DCAF1: variants seen among roughly 807,000 people sequenced by gnomAD.
The protein encoded by DCAF1 is DDB1- and CUL4-associated factor 1.
DCAF1 carries 15 observed loss-of-function variants against 128.0 expected under a neutral mutation model. That is an observed-to-expected ratio of 0.12 (90% CI 0.08 to 0.18). The LOEUF (loss-of-function observed/expected upper bound fraction) is 0.18. DCAF1 is among the 10% of genes least tolerant of loss of function. DCAF1 has a pLI of 1.00. For missense variants in DCAF1, 988 were observed against 1,649.5 expected (o/e 0.60, Z 6.95); for synonymous variants, 610 against 603.0 (o/e 1.01, Z -0.17).
chr3:51,443,770 T>C lies in DCAF1; in HGVS notation c.509A>G (p.Gln170Arg), dbSNP rs1022746047. 6.2e-7 allele frequency: 1 copy of C among 1,603,334 alleles called. No homozygotes were observed. Among genetic ancestry groups the C allele is most frequent in the East Asian group, 2.2e-5 (1 of 44,762 alleles). ...IAANYRDENS[Q>R]LVAIVLRRLR... ...TTATTCTAACACAGTCCTTACCAGC[T>C]GTGAATTTTCATCTCTATAGTTGGC... The change falls in exon 7 of 25, where the codon CAG becomes CGG. Residue 170 changes from glutamine to arginine, a missense_variant. Coordinates refer to ENST00000684031, the MANE Select transcript of DCAF1 (RefSeq NM_001387579.1).
intron 1 of DCAF1, among the ~76,000 whole-genome samples, chr3:51,498,940 G>A (rs1474579960): frequency 2.0e-5 from 3 of 152,108 alleles, no homozygotes; most frequent in African/African-American, 7.2e-5. Flanking sequence ...ACAGGAAGAT[G>A]CTACTAATAT....
upstream of DCAF1, among the ~76,000 whole-genome samples, chr3:51,500,366 G>C (rs1553663812): frequency 1.3e-5 from 2 of 152,040 alleles, no homozygotes; most frequent in African/African-American, 4.8e-5. Flanking sequence ...TACTGTAATC[G>C]CCTGATACTT....
downstream of DCAF1, chr3:51,396,698 T>G (rs2089228206): frequency 6.0e-6 from 1 of 167,130 alleles, no homozygotes. Context: ...TTAGCACATG[T>G]TCCTAAGGTG....
At chr3:51,461,046 C>A (rs1703497396) in intron 6 of DCAF1, among the ~76,000 whole-genome samples, 1 of 151,882 alleles carries the variant, frequency 6.6e-6, no homozygotes, top group Non-Finnish European at 1.5e-5. Flanking sequence ...GCAACAAAAG[C>A]CAAAATTGAC....
Position 51,441,065 on chromosome 3 carries a change from G to A in DCAF1, c.1033C>T (p.Pro345Ser). 6.2e-7 allele frequency: 1 copy of A among 1,609,496 alleles called. No individual in the cohort carries two copies. The highest frequency in any genetic ancestry group is 1.3e-5 in the African/African-American group (1 of 75,000). ...TPLGEYQELL[P>S]IFMQLGSREL... The stretch of plus-strand genomic sequence containing the variant: ...CGTGATCCAAGTTGCATGAATATGG[G>A]AAGTAGCTGAAATGAACACCAAATA... The change falls in exon 9 of 25, where the codon CCC (proline) becomes TCC (serine). Residue 345 changes from proline to serine, a missense_variant. Physicochemically the swap from Pro to Ser is moderately conservative, Grantham distance 74. Coordinates refer to ENST00000684031, the MANE Select transcript of DCAF1 (RefSeq NM_001387579.1).
At chr3:51,504,496 C>T (rs934755682), upstream of DCAF1, among the ~76,000 whole-genome samples, 1 of 152,020 alleles carries the variant, frequency 6.6e-6, no homozygotes, top group Non-Finnish European at 1.5e-5. Flanking sequence ...TACAGGTGCC[C>T]GCCACAACAC....
intron 2 of DCAF1, among the ~76,000 whole-genome samples, chr3:51,487,968 G>A (rs1187207965): frequency 3.3e-5 from 5 of 152,002 alleles, no homozygotes; most frequent in South Asian, 2.1e-4. Flanking sequence ...GGGTTCAAGC[G>A]ATTCTCCTGC....
At chr3:51,491,040 GAAAAA>G (rs56102341) in intron 2 of DCAF1, among the ~76,000 whole-genome samples, 2 of 128,282 alleles carry the variant, frequency 1.6e-5, no homozygotes, top group African/African-American at 5.7e-5. Context: ...AACAATCTTG[GAAAAA>G]AAAAAAAAAA....
intron 13 of DCAF1, among the ~76,000 whole-genome samples, chr3:51,425,051 A>C (rs1699781316): frequency 6.6e-6 from 1 of 152,240 alleles, no homozygotes; most frequent in South Asian, 2.1e-4. Flanking sequence ...ATTTGCAAAT[A>C]TTACGTAGTG....
rs1553631702 is a variant in DCAF1 at position 51,419,818 on chromosome 3, G to A, written c.3152C>T (p.Thr1051Met). 3.1e-6 allele frequency: 5 copies of A among 1,614,036 alleles called. No individual in the cohort carries two copies. Residue 1051 changes from threonine (T) to methionine (M), a missense_variant, in exon 15 of 25, where the codon ACG becomes ATG. Thr to Met is a moderately conservative substitution (Grantham distance 81, BLOSUM62 -1). Around this residue, in one of 11 missense-constraint regions of DCAF1, gnomAD observed 105 missense variants for 266.7 expected, o/e 0.39. Transcript: ENST00000684031. ...KQRRQAPINF[T>M]SRLNRRASFP... Reference sequence around the variant, plus strand: ...TGATGCCCTGCGGTTTAGCCTTGACGTAAAGTTTATTGGCGCTTGCCGCCT... The same window carrying A: ...TGATGCCCTGCGGTTTAGCCTTGACATAAAGTTTATTGGCGCTTGCCGCCT...
intron 23 of DCAF1, among the ~76,000 whole-genome samples, chr3:51,404,803 A>T (rs562854758): frequency 6.6e-6 from 1 of 152,316 alleles, no homozygotes; most frequent in South Asian, 2.1e-4. Flanking sequence ...ACTATTCCAA[A>T]GCCTTGGCCA....
chr3:51,492,250 A>C (rs529545470), intron 2 of DCAF1, among the ~76,000 whole-genome samples: 37 of 151,934 alleles, frequency 2.4e-4, no homozygotes, highest in South Asian at 1.7e-3. Context: ...AAATGGGCCG[A>C]GTGCTGTGGC....
At chr3:51,441,183 C>G in intron 8 of DCAF1, 112 bp from the exon 9 acceptor site, 2 of 1,192,548 alleles carry the variant, frequency 1.7e-6, no homozygotes, top group Non-Finnish European at 2.4e-6. Flanking sequence ...TTCCTCCCTC[C>G]CTGTGAAGAT....
Position 51,421,820 on chromosome 3 carries a change from T to C in DCAF1, c.1972+487A>G, listed in dbSNP as rs1174518583. On this transcript the variant is annotated intron_variant, in intron 14 of 24. Transcript: ENST00000684031. ...TTTTTTATATATGTATGACGGTTTC[T>C]ACCCATTTTGAGCTACCTGCCAATT... is the stretch of plus-strand genomic sequence containing the variant. 3.3e-5 allele frequency among the ~76,000 whole-genome samples: 5 copies of C among 152,316 alleles called. No homozygotes were observed. The East Asian group carries it at 5.8e-4, about 18-fold the overall frequency.
chr3:51,405,198 G>A (rs150513328), intron 23 of DCAF1, among the ~76,000 whole-genome samples: 2 of 152,302 alleles, frequency 1.3e-5, no homozygotes, highest in East Asian at 1.9e-4. Context: ...AAAGGTCCAC[G>A]GTTGAGTGTG....
chr3:51,488,547 C>T (rs1707242469), intron 2 of DCAF1, among the ~76,000 whole-genome samples: 1 of 151,762 alleles, frequency 6.6e-6, no homozygotes, highest in Admixed American at 6.6e-5. Flanking sequence ...CACGGTGGCT[C>T]ACGCCAGCAG....
intron 5 of DCAF1, among the ~76,000 whole-genome samples, chr3:51,465,891 T>G (rs1368716864): frequency 6.6e-6 from 1 of 152,014 alleles, no homozygotes; most frequent in African/African-American, 2.4e-5. Context: ...TTAACTCCAT[T>G]TTATAGACTA....
chr3:51,403,290 C>A lies in DCAF1; in HGVS notation c.4318G>T (p.Asp1440Tyr). Reference protein sequence around the residue: ...DQLLEAELEEDDNNENAGEDG... With the variant: ...DQLLEAELEEYDNNENAGEDG... ...TCCCCTGCGTTCTCATTATTGTCGTCCTCCTCCAACTCCGCCTCCAGCAAC... is the reference window on the plus strand; with the variant it reads ...TCCCCTGCGTTCTCATTATTGTCGTACTCCTCCAACTCCGCCTCCAGCAAC... Residue 1440 changes from aspartate to tyrosine, a missense_variant, in exon 24 of 25, where the codon GAC (aspartate) becomes TAC (tyrosine). Physicochemically the swap from Asp to Tyr is radical, Grantham distance 160 (BLOSUM62 -3). This residue lies in a region of DCAF1 where 97 missense variants were observed against 134.5 expected (regional missense o/e 0.72). Coordinates refer to ENST00000684031, the MANE Select transcript of DCAF1 (RefSeq NM_001387579.1). 1 of 1,599,486 alleles carries A rather than the reference C, an allele frequency of 6.3e-7. No homozygotes were observed. The highest frequency in any genetic ancestry group is 8.5e-7 in the Non-Finnish European group (1 of 1,173,066).
intron 3 of DCAF1, among the ~76,000 whole-genome samples, chr3:51,477,608 GA>G (rs869088423): frequency 1.4e-4 from 21 of 149,314 alleles, no homozygotes; most frequent in South Asian, 1.3e-3. Flanking sequence ...GCCTTGGGGG[GA>G]AAAAAAAACA....
Sources: gnomAD v4.1 joint callset for allele counts (sites outside exome capture counted in the v4.1 genomes callset) on GRCh38, gnomAD v4.1.1 for gene constraint, gnomAD v4.1.1 regional missense constraint, MANE v1.5 for transcripts, NCBI Gene and HGNC (gene_info 2026-07-23, HGNC 2026-07-21) for gene names.